CAPRIN2: variants seen among roughly 807,000 people sequenced by gnomAD.
CAPRIN2 encodes caprin-2.
Under a neutral mutation model 130.4 loss-of-function variants are expected in CAPRIN2, and 66 were observed. That is an observed-to-expected ratio of 0.51 (90% CI 0.42 to 0.62). The LOEUF (loss-of-function observed/expected upper bound fraction) is 0.62. CAPRIN2 is among the 20% of genes least tolerant of loss of function. The pLI is 0.00. For synonymous variants in CAPRIN2, 471 were observed against 444.1 expected, an observed-to-expected ratio of 1.06 and a Z score of -0.76; for missense variants, 1,185 against 1,246.6, an observed-to-expected ratio of 0.95 and a Z score of 0.74.
chr12:30,747,496 G>A (rs758259149), intron 2 of CAPRIN2, among the ~76,000 whole-genome samples: 1 of 152,046 alleles, frequency 6.6e-6, no homozygotes, highest in South Asian at 2.1e-4. Flanking sequence ...TGACCAACAC[G>A]GAGAAACCCC....
At chr12:30,738,572 T>G (rs1359893488) in intron 3 of CAPRIN2, among the ~76,000 whole-genome samples, 1 of 152,146 alleles carries the variant, frequency 6.6e-6, no homozygotes, top group South Asian at 2.1e-4. Flanking sequence ...CTAATTAAAC[T>G]TAAGGGCTTT....
At chr12:30,715,253 A>G in intron 13 of CAPRIN2, 112 bp from the exon 16 acceptor site, 1 of 780,870 alleles carries the variant, frequency 1.3e-6, no homozygotes, top group Non-Finnish European at 2.1e-6. Flanking sequence ...TTAAAAATAA[A>G]TAGGAGATAC....
At chr12:30,740,808 C>T (rs981495563) in intron 3 of CAPRIN2, among the ~76,000 whole-genome samples, 2 of 152,184 alleles carry the variant, frequency 1.3e-5, no homozygotes, top group African/African-American at 4.8e-5. Flanking sequence ...ATGTCTCATA[C>T]TCAGATGCCA....
chr12:30,712,733 CTTT>C (rs754373140), intron 15 of CAPRIN2, among the ~76,000 whole-genome samples: 3 of 107,292 alleles, frequency 2.8e-5, no homozygotes, highest in Non-Finnish European at 5.4e-5. Context: ...GTTTTCCACT[CTTT>C]TTTTTTTTTT....
intron 5 of CAPRIN2, 59 bp from the exon 7 acceptor site, chr12:30,731,569 T>C (rs1264953221): frequency 5.9e-6 from 8 of 1,367,080 alleles, no homozygotes; most frequent in East Asian, 4.6e-5. Context: ...TTACTGGGAA[T>C]AGAAATCCTA....
intron 2 of CAPRIN2, among the ~76,000 whole-genome samples, chr12:30,745,593 A>G (rs1487284483): frequency 6.6e-6 from 1 of 152,212 alleles, no homozygotes; most frequent in Non-Finnish European, 1.5e-5. Flanking sequence ...TATAAAACTT[A>G]TCACAAATAA....
intron 10 of CAPRIN2, 121 bp from the exon 12 acceptor site, chr12:30,723,435 A>C (rs142299018): frequency 1.5e-6 from 1 of 660,680 alleles, no homozygotes; most frequent in Non-Finnish European, 2.7e-6. Context: ...ACTACGTCTC[A>C]AGTTCATCAT....
intron 2 of CAPRIN2, among the ~76,000 whole-genome samples, chr12:30,744,295 C>T (rs2068852377): frequency 6.6e-6 from 1 of 152,188 alleles, no homozygotes; most frequent in Non-Finnish European, 1.5e-5. Context: ...AACCATACTT[C>T]ACATTGCAAA....
At chr12:30,735,096 C>G (rs1165194103) in exon 4 of CAPRIN2, 1 of 1,614,182 alleles carries the variant, frequency 6.2e-7, no homozygotes, top group African/African-American at 1.3e-5. Context: ...GCTCCTGTGT[C>G]AAGTTCTGCA....
At position 30,719,199 on chromosome 12, in the gene CAPRIN2, C is replaced by T. The variant is rs143445368; in HGVS notation, c.2148+1612G>A. On this transcript the variant is annotated intron_variant, in intron 12 of 16. Transcript: ENST00000298892. ...GAGGATTTGGAGAAGCTAGTGAAGA[C>T]GGTTGCTTGCCTGGGGGAATTGCTG... is the stretch of plus-strand genomic sequence containing the variant. 182 of 1,613,982 alleles carry T rather than the reference C, an allele frequency of 1.1e-4. 1 individual carries two copies. In the South Asian group the frequency reaches 1.2e-3, roughly 10 times the overall value.
intron 2 of CAPRIN2, among the ~76,000 whole-genome samples, chr12:30,745,913 A>AACC (rs2069962866): frequency 6.6e-6 from 1 of 152,230 alleles, no homozygotes; most frequent in East Asian, 1.9e-4. Flanking sequence ...CTATGCAAAT[A>AACC]AATTTTAAAA....
rs763978794 is a variant in CAPRIN2, at chr12:30,729,180, T to C, written c.1250A>G (p.Gln417Arg). The C allele has an allele frequency of 2.4e-5, 39 of 1,614,108 alleles. No individual in the cohort carries two copies. In the South Asian group the frequency reaches 4.2e-4, roughly 17 times the overall value. Residue 417 changes from glutamine (Q) to arginine (R), a missense_variant, in exon 8 of 17, where the codon CAG (glutamine) becomes CGG (arginine). Gln to Arg is a conservative substitution (Grantham distance 43, BLOSUM62 1). This residue lies in a region of CAPRIN2 where 1,104 missense variants were observed against 1,104.3 expected (regional missense o/e 1.00). Coordinates refer to ENST00000298892, the Ensembl canonical transcript of CAPRIN2. ...AGCCTCCCAGGACTTAAAGGACTCC[T>C]GTTTCTTCTCTTGACCATCTGGTTC...
At chr12:30,746,872 A>G (rs1359114078) in intron 2 of CAPRIN2, among the ~76,000 whole-genome samples, 2 of 152,238 alleles carry the variant, frequency 1.3e-5, no homozygotes, top group Non-Finnish European at 2.9e-5. Flanking sequence ...TCTAGCTAAG[A>G]TAATTGATGG....
At chr12:30,754,876 T>G (rs936474519), upstream of CAPRIN2, 2 of 151,838 alleles carry the variant, frequency 1.3e-5, no homozygotes, top group South Asian at 3.9e-4. Context: ...TCCTGTCTCC[T>G]CCCTCTCCCC....
exon 8 of CAPRIN2, chr12:30,728,823 T>G (rs528849123): frequency 6.2e-7 from 1 of 1,614,206 alleles, no homozygotes; most frequent in Non-Finnish European, 8.5e-7. Context: ...TGAATCCTGT[T>G]CTTCACACAT....
At chr12:30,711,709 C>T (rs1312383802) in intron 15 of CAPRIN2, 80 bp from the exon 18 acceptor site, 1 of 1,142,636 alleles carries the variant, frequency 8.8e-7, no homozygotes, top group Non-Finnish European at 1.3e-6. Context: ...TACCGGCTGG[C>T]AAATAAGATT....
intron 15 of CAPRIN2, among the ~76,000 whole-genome samples, chr12:30,712,506 C>T (rs2055318840): frequency 6.6e-6 from 1 of 152,154 alleles, no homozygotes. Context: ...CTAATATTTG[C>T]ACGGCTGATA....
intron 3 of CAPRIN2, among the ~76,000 whole-genome samples, chr12:30,738,346 T>C (rs141468877): frequency 6.9e-4 from 104 of 151,238 alleles, no homozygotes; most frequent in African/African-American, 2.4e-3. Flanking sequence ...ATATTCACGA[T>C]ATAGAGAAAA....
intron 11 of CAPRIN2, among the ~76,000 whole-genome samples, chr12:30,722,042 C>T (rs2059572574): frequency 6.6e-6 from 1 of 152,148 alleles, no homozygotes; most frequent in South Asian, 2.1e-4. Flanking sequence ...AAATAACTAA[C>T]TCTGTTGCTA....
Sources: gnomAD v4.1 joint callset for allele counts (sites outside exome capture counted in the v4.1 genomes callset) on GRCh38, gnomAD v4.1.1 for gene constraint, gnomAD v4.1.1 regional missense constraint, MANE v1.5 for transcripts, NCBI Gene and HGNC (gene_info 2026-07-23, HGNC 2026-07-21) for gene names.